TMEM45B: variants seen among roughly 807,000 people sequenced by gnomAD.
The protein encoded by TMEM45B is transmembrane protein 45B.
In TMEM45B, 29 loss-of-function variants were observed where a neutral mutation model predicts 27.3. The observed-to-expected ratio is 1.06, with a 90% confidence interval of 0.79 to 1.45. TMEM45B has a LOEUF of 1.45. TMEM45B is among the 40% of genes most tolerant of loss of function. TMEM45B has a pLI of 0.00. For missense variants in TMEM45B, 348 were observed against 343.9 expected (o/e 1.01, Z -0.09); for synonymous variants, 143 against 134.7 (o/e 1.06, Z -0.43).
chr11:129,844,469 T>C (rs935780612), intron 1 of TMEM45B, among the ~76,000 whole-genome samples: 5 of 152,174 alleles, frequency 3.3e-5, no homozygotes, highest in African/African-American at 1.2e-4. Context: ...GAGAATAGCC[T>C]GAACCCAAAC....
chr11:129,820,561 T>C (rs1445806518), intron 1 of TMEM45B, among the ~76,000 whole-genome samples: 1 of 152,184 alleles, frequency 6.6e-6, no homozygotes, highest in African/African-American at 2.4e-5. Context: ...AACTGCTGAT[T>C]ATGTAGGTCT....
intron 1 of TMEM45B, among the ~76,000 whole-genome samples, chr11:129,833,163 C>G (rs926464196): frequency 6.6e-6 from 1 of 151,418 alleles, no homozygotes; most frequent in Non-Finnish European, 1.5e-5. Context: ...TTGCTTGAAC[C>G]CGAGAGGTGG....
At chr11:129,833,308 C>T (rs1947577018) in intron 1 of TMEM45B, among the ~76,000 whole-genome samples, 2 of 151,212 alleles carry the variant, frequency 1.3e-5, no homozygotes, top group South Asian at 4.2e-4. Context: ...GGATAAATAA[C>T]ATATGGCGTT....
At chr11:129,838,250 C>T (rs1323600025) in intron 1 of TMEM45B, among the ~76,000 whole-genome samples, 6 of 152,048 alleles carry the variant, frequency 3.9e-5, no homozygotes, top group Non-Finnish European at 8.8e-5. Context: ...GCTGATACTC[C>T]GGGCCACAAG....
chr11:129,839,724 C>CAG (rs945605616), intron 1 of TMEM45B, among the ~76,000 whole-genome samples: 25 of 152,118 alleles, frequency 1.6e-4, no homozygotes, highest in African/African-American at 5.8e-4. Context: ...TTAGTAGAGA[C>CAG]GGGTCTCACT....
At chr11:129,851,613 C>T (rs949771518) in intron 1 of TMEM45B, among the ~76,000 whole-genome samples, 3 of 150,732 alleles carry the variant, frequency 2.0e-5, no homozygotes, top group African/African-American at 7.3e-5. Context: ...GGAGGGGACA[C>T]ATTCAAACCA....
In TMEM45B at chr11:129,852,582, C is replaced by G. The variant is rs745957988; in HGVS notation, c.100C>G (p.Arg34Gly). ...CCCGCTGAAGTACTTTAGCCACACG[C>G]GGAAGAACAGCCCACTACATTACTA... ...KYPLKYFSHT[R>G]KNSPLHYYQR... Residue 34 changes from arginine to glycine, a missense_variant, in exon 2 of 6, where the codon CGG (arginine) becomes GGG (glycine). Coordinates refer to ENST00000281441, the MANE Select transcript of TMEM45B (RefSeq NM_138788.5). 1.9e-6 allele frequency: 3 copies of G among 1,613,910 alleles called. No individual in the cohort carries two copies. In the Admixed American group the frequency reaches 5.0e-5, roughly 27 times the overall value.
At chr11:129,833,739 C>A (rs1947582825) in intron 1 of TMEM45B, among the ~76,000 whole-genome samples, 1 of 152,176 alleles carries the variant, frequency 6.6e-6, no homozygotes, top group Non-Finnish European at 1.5e-5. Context: ...TGTGCCACTG[C>A]ACTCCAGCCT....
intron 1 of TMEM45B, among the ~76,000 whole-genome samples, chr11:129,838,351 C>G (rs1295084406): frequency 6.6e-6 from 1 of 152,138 alleles, no homozygotes; most frequent in Non-Finnish European, 1.5e-5. Context: ...CACCACCAGT[C>G]CCCGTTGTGA....
At chr11:129,820,171 C>A (rs185664336) in intron 1 of TMEM45B, among the ~76,000 whole-genome samples, 1 of 151,890 alleles carries the variant, frequency 6.6e-6, no homozygotes, top group Non-Finnish European at 1.5e-5. Context: ...AAAAATCAGC[C>A]GGGCGTGCTA....
chr11:129,833,260 A>ATT lies in TMEM45B; in HGVS notation c.-9+17362_-9+17363insTT, dbSNP rs1216818261. On this transcript the variant is annotated intron_variant, in intron 1 of 5. Transcript: ENST00000281441. ...GTCTCAAAAAATAAACAGAAAAATA[A>ATT]AAAAAAAAAAAGGAAATGTAAGTGT... 1.0e-4 allele frequency among the ~76,000 whole-genome samples: 7 copies of ATT among 68,640 alleles called. No homozygotes were observed. In the East Asian group the frequency reaches 3.7e-3, roughly 36 times the overall value. The allele number at this position is 68,640 out of a possible 152,430, so 45.0% of individuals were successfully genotyped here.
chr11:129,854,181 G>A (rs1947888329), intron 2 of TMEM45B, among the ~76,000 whole-genome samples: 1 of 152,184 alleles, frequency 6.6e-6, no homozygotes, highest in East Asian at 1.9e-4. Context: ...GTGTGTCTCT[G>A]CTCAGATTCT....
chr11:129,854,022 C>T (rs772389071), intron 2 of TMEM45B, among the ~76,000 whole-genome samples: 118 of 152,272 alleles, frequency 7.7e-4, no homozygotes, highest in Non-Finnish European at 1.5e-3. Flanking sequence ...CTTGTTTACC[C>T]GGTGTTTTAA....
chr11:129,848,523 G>A (rs1235512654), intron 1 of TMEM45B, among the ~76,000 whole-genome samples: 2 of 151,818 alleles, frequency 1.3e-5, no homozygotes, highest in Non-Finnish European at 2.9e-5. Context: ...GAGAGGGAGA[G>A]GGAGAGGGCT....
At chr11:129,842,351 G>T (rs1947706719) in intron 1 of TMEM45B, among the ~76,000 whole-genome samples, 1 of 152,138 alleles carries the variant, frequency 6.6e-6, no homozygotes, top group South Asian at 2.1e-4. Flanking sequence ...GAACCACACA[G>T]GAAGGACAAA....
rs112134097 is a variant in TMEM45B, at chr11:129,853,971, G to A, written c.179-639G>A. 1.8e-3 allele frequency among the ~76,000 whole-genome samples: 274 copies of A among 152,300 alleles called. 1 individual carries two copies. Among genetic ancestry groups the A allele is most frequent in the African/African-American group, 5.9e-3 (245 of 41,558 alleles). On this transcript the variant is annotated intron_variant, in intron 2 of 5. Transcript: ENST00000281441. ...TAAGAACTAAGAGCTATCCTGTGTC[G>A]CAGTTTCGTCATTTTCTGGCCCACA...
At chr11:129,828,443 G>A (rs1416415532) in intron 1 of TMEM45B, among the ~76,000 whole-genome samples, 1 of 152,134 alleles carries the variant, frequency 6.6e-6, no homozygotes, top group East Asian at 1.9e-4. Flanking sequence ...GACCTCCTCA[G>A]GCCCCTGAGC....
At chr11:129,840,327 G>A (rs1947674110) in intron 1 of TMEM45B, among the ~76,000 whole-genome samples, 1 of 152,194 alleles carries the variant, frequency 6.6e-6, no homozygotes. Flanking sequence ...AAAGGGAAGG[G>A]TGGGTCTTGA....
At chr11:129,845,259 T>C in intron 1 of TMEM45B, among the ~76,000 whole-genome samples, 1 of 120,330 alleles carries the variant, frequency 8.3e-6, no homozygotes, top group Non-Finnish European at 1.7e-5. Flanking sequence ...ATGGCTTATT[T>C]TGTGTGTGTG....
Sources: gnomAD v4.1 joint callset for allele counts (sites outside exome capture counted in the v4.1 genomes callset) on GRCh38, gnomAD v4.1.1 for gene constraint, MANE v1.5 for transcripts, NCBI Gene and HGNC (gene_info 2026-07-23, HGNC 2026-07-21) for gene names.